WWC1: variants seen among roughly 807,000 people sequenced by gnomAD.
The protein encoded by WWC1 is WW and C2 domain containing 1.
In WWC1, 55 loss-of-function variants were observed where a neutral mutation model predicts 138.4. The ratio of observed to expected loss-of-function variants is 0.40; its 90% CI spans 0.32 to 0.50. WWC1 has a LOEUF of 0.50. WWC1 is among the 20% of genes least tolerant of loss of function. The probability of loss-of-function intolerance (pLI) is 0.72; values close to 1 mark genes in which losing one functional copy is unlikely to be tolerated. For missense variants in WWC1, 1,226 were observed against 1,420.4 expected (o/e 0.86, Z 2.20); for synonymous variants, 524 against 564.9 (o/e 0.93, Z 1.03).
intron 1 of WWC1, among the ~76,000 whole-genome samples, chr5:168,324,315 C>T (rs1772357128): frequency 6.6e-6 from 1 of 152,104 alleles, no homozygotes; most frequent in South Asian, 2.1e-4. Flanking sequence ...CACCTGCAGT[C>T]CCACCTACTC....
At chr5:168,329,026 G>A (rs1640393030) in intron 1 of WWC1, among the ~76,000 whole-genome samples, 1 of 152,196 alleles carries the variant, frequency 6.6e-6, no homozygotes, top group South Asian at 2.1e-4. Context: ...TTTCTGGCAC[G>A]AACAGGTGGA....
chr5:168,397,716 C>T lies in WWC1; in HGVS notation c.434-8C>T, dbSNP rs774635676. On this transcript the variant is annotated splice_polypyrimidine_tract_variant and splice_region_variant and intron_variant, in intron 3 of 22. Transcript: ENST00000265293. ...ACTGATATTCTTGTTTTTCTTTTTTCCTTACAGTGGTCTCTGGTTCATCAT... is the reference window on the plus strand; with the variant it reads ...ACTGATATTCTTGTTTTTCTTTTTTTCTTACAGTGGTCTCTGGTTCATCAT... The T allele has an allele frequency of 6.2e-7, 1 of 1,613,278 alleles. No individual in the cohort carries two copies.
chr5:168,436,238 C>T (rs187017191), intron 15 of WWC1, among the ~76,000 whole-genome samples: 555 of 152,294 alleles, frequency 3.6e-3, no homozygotes, highest in Non-Finnish European at 6.3e-3. Flanking sequence ...TCCTTCTGGA[C>T]CTGCCAGCTA....
intron 8 of WWC1, among the ~76,000 whole-genome samples, chr5:168,412,812 T>A (rs1386997401): frequency 6.6e-6 from 1 of 152,166 alleles, no homozygotes; most frequent in Non-Finnish European, 1.5e-5. Flanking sequence ...TTATAAGTAA[T>A]CTAGAGATGA....
chr5:168,452,414 A>G (rs1407196809), intron 17 of WWC1, among the ~76,000 whole-genome samples: 1 of 152,138 alleles, frequency 6.6e-6, no homozygotes, highest in Non-Finnish European at 1.5e-5. Flanking sequence ...ATACGAGGAT[A>G]TTTGGACACA....
chr5:168,433,699 G>A (rs767924520), intron 15 of WWC1, among the ~76,000 whole-genome samples: 1 of 152,008 alleles, frequency 6.6e-6, no homozygotes, highest in Non-Finnish European at 1.5e-5. Context: ...CACCACACCC[G>A]GCTAATTTTT....
intron 1 of WWC1, among the ~76,000 whole-genome samples, chr5:168,335,691 T>C (rs1054403874): frequency 6.6e-6 from 1 of 152,248 alleles, no homozygotes; most frequent in African/African-American, 2.4e-5. Flanking sequence ...CAAGCCTCTG[T>C]TCTGAGCACT....
At chr5:168,433,548 T>A (rs1561760099) in intron 15 of WWC1, among the ~76,000 whole-genome samples, 1 of 142,254 alleles carries the variant, frequency 7.0e-6, no homozygotes, top group East Asian at 2.1e-4. Flanking sequence ...GCATTATCTG[T>A]TTTTTTTATT....
At chr5:168,430,098 G>A in intron 13 of WWC1, 39 bp from the exon 14 acceptor site, 1 of 1,479,868 alleles carries the variant, frequency 6.8e-7, no homozygotes, top group Non-Finnish European at 9.4e-7. Context: ...AGATGAGTGT[G>A]TTACTAATAG....
At chr5:168,357,448 C>CTGTGTGTGTGTG (rs67198550) in intron 1 of WWC1, among the ~76,000 whole-genome samples, 26 of 134,530 alleles carry the variant, frequency 1.9e-4, no homozygotes, top group African/African-American at 6.7e-4. Context: ...AACCTGCCTT[C>CTGTGTGTGTGTG]TGTGTGTGTG....
intron 1 of WWC1, among the ~76,000 whole-genome samples, chr5:168,294,070 G>A (rs1769304552): frequency 6.6e-6 from 1 of 152,140 alleles, no homozygotes; most frequent in Admixed American, 6.5e-5. Flanking sequence ...CTGTTAGCAG[G>A]TGGACGTCCT....
At chr5:168,369,759 G>A (rs1225103567) in intron 1 of WWC1, among the ~76,000 whole-genome samples, 1 of 152,128 alleles carries the variant, frequency 6.6e-6, no homozygotes, top group Non-Finnish European at 1.5e-5. Flanking sequence ...CTATCCAGCT[G>A]GGGCTCTTTC....
At chr5:168,340,232 T>C (rs1323159987) in intron 1 of WWC1, among the ~76,000 whole-genome samples, 2 of 152,038 alleles carry the variant, frequency 1.3e-5, no homozygotes, top group Non-Finnish European at 2.9e-5. Flanking sequence ...TGCATCATCA[T>C]GCCCGGCTAA....
At chr5:168,326,864 G>A (rs527286436) in intron 1 of WWC1, among the ~76,000 whole-genome samples, 17 of 151,862 alleles carry the variant, frequency 1.1e-4, no homozygotes, top group African/African-American at 3.9e-4. Flanking sequence ...TTTCGCATTT[G>A]TAGAAACCTA....
chr5:168,311,746 A>G (rs567682371), intron 1 of WWC1, among the ~76,000 whole-genome samples: 16 of 152,272 alleles, frequency 1.1e-4, no homozygotes, highest in African/African-American at 3.9e-4. Context: ...GTGTGGTGGC[A>G]GGTGTTTGTA....
At chr5:168,351,874 G>A (rs1165625757) in intron 1 of WWC1, among the ~76,000 whole-genome samples, 1 of 152,126 alleles carries the variant, frequency 6.6e-6, no homozygotes, top group Non-Finnish European at 1.5e-5. Context: ...GAACTGAGAC[G>A]GGTGTCTGCC....
Position 168,292,898 on chromosome 5 carries a change from T to A in WWC1, c.119+627T>A, listed in dbSNP as rs1769190223. On this transcript the variant is annotated intron_variant, in intron 1 of 22. Transcript: ENST00000265293. The surrounding 1 kb of genome is among the most constrained non-coding windows in gnomAD (Gnocchi z 4.4). Reference sequence around the variant, plus strand: ...AAGTGAAGAAGCGGGGGAGGGCAGATGAGGGAGACTGGTTATCCAGGAATC... The same window carrying A: ...AAGTGAAGAAGCGGGGGAGGGCAGAAGAGGGAGACTGGTTATCCAGGAATC... Among the ~76,000 whole-genome samples the A allele has an allele frequency of 6.6e-6, 1 of 152,050 alleles. No homozygotes were observed. Among genetic ancestry groups the A allele is most frequent in the Non-Finnish European group, 1.5e-5 (1 of 67,990 alleles).
chr5:168,337,989 C>T (rs1201900007), intron 1 of WWC1, among the ~76,000 whole-genome samples: 1 of 152,092 alleles, frequency 6.6e-6, no homozygotes, highest in Non-Finnish European at 1.5e-5. Flanking sequence ...GGCTGGAGGG[C>T]TGGGCAAGAG....
chr5:168,449,124 G>A (rs1010122326), intron 17 of WWC1, among the ~76,000 whole-genome samples: 2 of 151,698 alleles, frequency 1.3e-5, no homozygotes, highest in African/African-American at 4.8e-5. Context: ...GCCTGTTTCT[G>A]TACCTTCACC....
Sources: allele counts gnomAD v4.1 joint callset (sites outside exome capture counted in the v4.1 genomes callset), GRCh38; gene constraint gnomAD v4.1.1; non-coding constraint Gnocchi (gnomAD v3.1); transcripts MANE v1.5; gene names NCBI Gene and HGNC (gene_info 2026-07-23, HGNC 2026-07-21).